TNRC6A: variants seen among roughly 807,000 people sequenced by gnomAD.
The protein encoded by TNRC6A is trinucleotide repeat-containing gene 6A protein.
TNRC6A carries 44 observed loss-of-function variants against 221.2 expected under a neutral mutation model. The observed-to-expected ratio is 0.20, with a 90% CI of 0.16 to 0.26. TNRC6A has a LOEUF of 0.26. TNRC6A is among the 10% of genes least tolerant of loss of function. The pLI, the probability that TNRC6A is intolerant of heterozygous loss-of-function variation, is 1.00. For synonymous variants in TNRC6A, 847 were observed against 838.5 expected (o/e 1.01, Z -0.18); for missense variants, 2,199 against 2,404.4 (o/e 0.91, Z 1.79).
chr16:24,648,516 C>T (rs577389642), intron 2 of TNRC6A, among the ~76,000 whole-genome samples: 34 of 151,882 alleles, frequency 2.2e-4, no homozygotes, highest in Non-Finnish European at 3.1e-4. Context: ...ATGATTCACC[C>T]GCCTTGGCCT....
intron 1 of TNRC6A, among the ~76,000 whole-genome samples, chr16:24,640,264 G>T (rs538523343): frequency 1.3e-5 from 2 of 152,094 alleles, no homozygotes; most frequent in African/African-American, 4.8e-5. Flanking sequence ...GCTGGGCATG[G>T]TGGTGTGCAC....
At chr16:24,778,464 C>T (rs763409481) in intron 5 of TNRC6A, 44 of 985,258 alleles carry the variant, frequency 4.5e-5, no homozygotes, top group Non-Finnish European at 5.1e-5. Context: ...GAAGAGGACA[C>T]AAATGTGAGT....
chr16:24,798,245 T>G (rs1455856506), intron 11 of TNRC6A: 1 of 243,554 alleles, frequency 4.1e-6, no homozygotes, highest in Non-Finnish European at 7.8e-6. Flanking sequence ...GAACAGCACG[T>G]AGAAGGGCCT....
At chr16:24,628,194 G>A (rs1330430660) in intron 1 of TNRC6A, among the ~76,000 whole-genome samples, 5 of 151,718 alleles carry the variant, frequency 3.3e-5, no homozygotes, top group Non-Finnish European at 7.4e-5. Context: ...CAAGGCGGGT[G>A]GATCACCTGA....
chr16:24,789,466 A>G lies in TNRC6A; in HGVS notation c.824A>G (p.Asn275Ser). The change falls in exon 6 of 25, where the codon AAC (asparagine) becomes AGC (serine). Residue 275 changes from asparagine to serine, a missense_variant. Asn to Ser is a conservative substitution (Grantham distance 46, BLOSUM62 1). Around this residue, in one of 8 missense-constraint regions of TNRC6A, gnomAD observed 1,405 missense variants for 1,400.2 expected, o/e 1.00. Coordinates refer to ENST00000395799, the MANE Select transcript of TNRC6A (RefSeq NM_014494.4). Reference sequence around the variant, plus strand: ...AACATCACTATCATGGCTTCAGGGAACACAGGTGGTGAAAAAGATGGCCTT... The same window carrying G: ...AACATCACTATCATGGCTTCAGGGAGCACAGGTGGTGAAAAAGATGGCCTT... ...ERNITIMASGNTGGEKDGLRN... is the reference protein window; with the variant it reads ...ERNITIMASGSTGGEKDGLRN... 1 of 1,614,202 alleles carries G rather than the reference A, an allele frequency of 6.2e-7. No homozygotes were observed. Among genetic ancestry groups the G allele is most frequent in the Non-Finnish European group, 8.5e-7 (1 of 1,180,030 alleles).
chr16:24,717,212 G>A (rs534621387), intron 2 of TNRC6A, among the ~76,000 whole-genome samples: 2 of 152,142 alleles, frequency 1.3e-5, no homozygotes, highest in East Asian at 3.9e-4. Context: ...AGCCTCCCAA[G>A]TAGCTAGGAC....
At position 24,806,781 on chromosome 16, in the gene TNRC6A, A is replaced by G. The variant is rs969528709; in HGVS notation, c.4537A>G (p.Ile1513Val). The change falls in exon 17 of 25, where the codon ATA becomes GTA. Residue 1513 changes from isoleucine to valine, a missense_variant. Coordinates refer to ENST00000395799, the MANE Select transcript of TNRC6A (RefSeq NM_014494.4). Reference sequence around the variant, plus strand: ...AATAAATGCTTTCAGCAACTTCCCTATAGGTGGGTTTCTCCTTGGCCCAAG... The same window carrying G: ...AATAAATGCTTTCAGCAACTTCCCTGTAGGTGGGTTTCTCCTTGGCCCAAG... Reference protein sequence around the residue: ...SPINAFSNFPIGLNSNLNVNM... With the variant: ...SPINAFSNFPVGLNSNLNVNM... 5.0e-6 allele frequency: 8 copies of G among 1,614,094 alleles called. No homozygotes were observed. The highest frequency in any genetic ancestry group is 2.5e-6 in the Non-Finnish European group (3 of 1,179,996).
chr16:24,819,526 G>GT (rs1234887801), intron 21 of TNRC6A: 12 of 107,122 alleles, frequency 1.1e-4, no homozygotes, highest in African/African-American at 3.9e-4. Flanking sequence ...TTGTTTTTTT[G>GT]TTTTTTTGTT....
chr16:24,615,071 AT>A (rs1596535874), intron 1 of TNRC6A, among the ~76,000 whole-genome samples: 1 of 152,326 alleles, frequency 6.6e-6, no homozygotes. Flanking sequence ...TCTCAAAAAA[AT>A]AAATAAGTAA....
intron 2 of TNRC6A, among the ~76,000 whole-genome samples, chr16:24,741,903 C>T (rs1369112470): frequency 3.3e-5 from 5 of 152,102 alleles, no homozygotes; most frequent in Non-Finnish European, 7.4e-5. Flanking sequence ...GTGGCGTGAT[C>T]GTGGCTCACT....
intron 1 of TNRC6A, among the ~76,000 whole-genome samples, chr16:24,620,766 C>T (rs1222937766): frequency 6.6e-6 from 1 of 151,814 alleles, no homozygotes; most frequent in Non-Finnish European, 1.5e-5. Context: ...CGAGATCGTG[C>T]CATTGCATTC....
At position 24,793,599 on chromosome 16, in the gene TNRC6A, C is replaced by T; in HGVS notation, c.3302C>T (p.Thr1101Ile). The T allele has an allele frequency of 2.6e-6, 4 of 1,560,444 alleles. No homozygotes were observed. The highest frequency in any genetic ancestry group is 1.3e-5 in the South Asian group (1 of 79,714). ...GAACCCATTGCTGCGGCATCCAGCA[C>T]ATCCACGTGGGGCTCCAGCTCTGTT... is the stretch of plus-strand genomic sequence containing the variant. ...WGEPIAAASS[T>I]STWGSSSVGP... Residue 1101 changes from threonine (T) to isoleucine (I), a missense_variant, in exon 7 of 25, where the codon ACA (threonine) becomes ATA (isoleucine). Transcript: ENST00000395799.
At chr16:24,654,964 T>C (rs530815091) in intron 2 of TNRC6A, among the ~76,000 whole-genome samples, 129 of 152,070 alleles carry the variant, frequency 8.5e-4, no homozygotes, top group Non-Finnish European at 1.4e-3. Context: ...AAGAAAAGGC[T>C]GGGCACAGTG....
intron 5 of TNRC6A, among the ~76,000 whole-genome samples, chr16:24,787,551 T>C (rs1291526545): frequency 6.6e-6 from 1 of 152,222 alleles, no homozygotes; most frequent in African/African-American, 2.4e-5. Flanking sequence ...CCAATGAGAC[T>C]GACTTATTGT....
At position 24,791,519 on chromosome 16, in the gene TNRC6A, A is replaced by G. The variant is rs765194829; in HGVS notation, c.2877A>G (p.Pro959=). The G allele has an allele frequency of 1.2e-5, 19 of 1,535,102 alleles. No individual in the cohort carries two copies. The highest frequency in any genetic ancestry group is 1.7e-5 in the Non-Finnish European group (19 of 1,145,412). The change falls in exon 6 of 25, where the codon CCA becomes CCG. Residue 959 remains proline (P), a synonymous_variant. Coordinates refer to ENST00000395799, the MANE Select transcript of TNRC6A (RefSeq NM_014494.4). ...QQDIVGSWGI[P]PATGKPPGTG... Reference sequence around the variant, plus strand: ...ACATTGTTGGATCTTGGGGAATCCCACCAGCTACAGGCAAACCTCCTGGTA... The same window carrying G: ...ACATTGTTGGATCTTGGGGAATCCCGCCAGCTACAGGCAAACCTCCTGGTA...
chr16:24,714,886 T>TTG (rs2142344863), intron 2 of TNRC6A, among the ~76,000 whole-genome samples: 2 of 151,610 alleles, frequency 1.3e-5, no homozygotes, highest in East Asian at 3.9e-4. Flanking sequence ...TTTGTTTTTT[T>TTG]TTTTTTCTGG....
At chr16:24,696,728 CA>C (rs1251210834) in intron 2 of TNRC6A, among the ~76,000 whole-genome samples, 26 of 45,148 alleles carry the variant, frequency 5.8e-4, no homozygotes, top group Admixed American at 1.1e-3. Flanking sequence ...GACCCTGTCT[CA>C]AAAAAAAAAA....
chr16:24,819,752 C>T (rs2152103055), intron 21 of TNRC6A: 1 of 216,180 alleles, frequency 4.6e-6, no homozygotes, highest in Non-Finnish European at 9.3e-6. Context: ...GTCCTTTTTT[C>T]CCTGAGTAAA....
intron 1 of TNRC6A, among the ~76,000 whole-genome samples, 165 bp from the exon 2 acceptor site, chr16:24,730,088 T>TCCGGGCTGCAGC (rs1482798146): frequency 2.0e-5 from 3 of 149,956 alleles, no homozygotes; most frequent in Non-Finnish European, 4.5e-5. Context: ...GGGACCGCAG[T>TCCGGGCTGCAGC]CCGGGCTGCA....
Sources: allele counts gnomAD v4.1 joint callset (sites outside exome capture counted in the v4.1 genomes callset), GRCh38; gene constraint gnomAD v4.1.1; regional missense constraint gnomAD v4.1.1; transcripts MANE v1.5; gene names NCBI Gene and HGNC (gene_info 2026-07-23, HGNC 2026-07-21).